GLIS2: variants seen among roughly 807,000 people sequenced by gnomAD.
The protein encoded by GLIS2 is zinc finger protein GLIS2.
Under a neutral mutation model 35.6 loss-of-function variants are expected in GLIS2, and 14 were observed. The ratio of observed to expected loss-of-function variants is 0.39; its 90% confidence interval spans 0.26 to 0.61. The LOEUF (loss-of-function observed/expected upper bound fraction) is 0.61. Ranked by LOEUF, GLIS2 falls within the 20% of genes least tolerant of loss-of-function variation. GLIS2 has a pLI of 0.48. For missense variants in GLIS2, 675 were observed against 713.4 expected, an observed-to-expected ratio of 0.95 and a Z score of 0.61; for synonymous variants, 368 against 325.1, an observed-to-expected ratio of 1.13 and a Z score of -1.42.
At chr16:4,326,973 C>T (rs531014031) in intron 1 of GLIS2, among the ~76,000 whole-genome samples, 1 of 152,172 alleles carries the variant, frequency 6.6e-6, no homozygotes, top group South Asian at 2.1e-4. Context: ...GTTGGCCAGG[C>T]TGGTCTGGAA....
At chr16:4,331,904 G>C (rs1217009551) in intron 1 of GLIS2, 1 of 365,994 alleles carries the variant, frequency 2.7e-6, no homozygotes, top group Non-Finnish European at 5.3e-6. Flanking sequence ...AGCTATGATT[G>C]TGCCACTTGC....
chr16:4,335,187 A>G lies in GLIS2; in HGVS notation c.650A>G (p.Asn217Ser). 2 of 1,613,452 alleles carry G rather than the reference A, an allele frequency of 1.2e-6. No individual in the cohort carries two copies. The highest frequency in any genetic ancestry group is 8.5e-7 in the Non-Finnish European group (1 of 1,180,012). The change falls in exon 5 of 7, where the codon AAC (asparagine) becomes AGC (serine). Residue 217 changes from asparagine (N) to serine (S), a missense_variant. Around this residue, in one of 3 missense-constraint regions of GLIS2, gnomAD observed 133 missense variants for 191.4 expected, o/e 0.69. Transcript: ENST00000433375. The surrounding 1 kb of genome is among the most constrained non-coding windows in gnomAD (Gnocchi z 4.6). Reference sequence around the variant, plus strand: ...TGCGCCCGCCATGGCCGAGGTTTCAACGCCAGGTGAGGTGGGGGAGAGAGG... The same window carrying G: ...TGCGCCCGCCATGGCCGAGGTTTCAGCGCCAGGTGAGGTGGGGGAGAGAGG... ...EGCARHGRGFNARYKMLIHIR... is the reference protein window; with the variant it reads ...EGCARHGRGFSARYKMLIHIR...
chr16:4,327,851 G>A (rs1213326958), intron 1 of GLIS2, among the ~76,000 whole-genome samples: 1 of 152,046 alleles, frequency 6.6e-6, no homozygotes, highest in Admixed American at 6.5e-5. Flanking sequence ...AGCTGGAGGA[G>A]CCGCGCAGCG....
intron 3 of GLIS2, among the ~76,000 whole-genome samples, chr16:4,333,725 C>T (rs1020712279): frequency 2.6e-5 from 4 of 152,214 alleles, no homozygotes; most frequent in Non-Finnish European, 4.4e-5. Context: ...GCCTGGCACT[C>T]TAGCCTGGTA....
intron 2 of GLIS2, 32 bp from the exon 3 acceptor site, chr16:4,333,315 C>T (rs775159442): frequency 1.2e-6 from 2 of 1,611,674 alleles, no homozygotes; most frequent in South Asian, 1.1e-5. Flanking sequence ...ACTCTACACT[C>T]CAGCACACCC....
chr16:4,324,229 C>T (rs879609869), intron 1 of GLIS2, among the ~76,000 whole-genome samples: 3 of 152,126 alleles, frequency 2.0e-5, no homozygotes, highest in East Asian at 1.9e-4. Flanking sequence ...TTCCCAGGGA[C>T]GGTGAATCCC....
Position 4,334,869 on chromosome 16 carries a change from C to T in GLIS2, c.414C>T (p.Ser138=), listed in dbSNP as rs145025457. ...SSFQFFLPLG[S]GGALHLPASS... Reference sequence around the variant, plus strand: ...TCCAGTTCTTCCTGCCCCTCGGCTCCGGGGGGGCCCTGCACCTGCCTGCCT... The same window carrying T: ...TCCAGTTCTTCCTGCCCCTCGGCTCTGGGGGGGCCCTGCACCTGCCTGCCT... Residue 138 remains serine (S), a synonymous_variant, in exon 4 of 7, where the codon TCC becomes TCT. Coordinates refer to ENST00000433375, the MANE Select transcript of GLIS2 (RefSeq NM_032575.3). 4.2e-5 allele frequency: 67 copies of T among 1,613,056 alleles called. No homozygotes were observed. In the Admixed American group the frequency reaches 5.2e-4, roughly 12 times the overall value.
intron 1 of GLIS2, among the ~76,000 whole-genome samples, chr16:4,325,929 TAAAAAAA>T (rs58290393): frequency 5.0e-5 from 2 of 40,120 alleles, no homozygotes; most frequent in South Asian, 9.1e-4. Flanking sequence ...CTCTGTGTCT[TAAAAAAA>T]AAAAAAAAAA....
chr16:4,321,391 A>T (rs2053378158), intron 1 of GLIS2, among the ~76,000 whole-genome samples: 1 of 151,510 alleles, frequency 6.6e-6, no homozygotes, highest in Non-Finnish European at 1.5e-5. Flanking sequence ...CTCCATACCT[A>T]CCCCTCCCCT....
rs1440869260 is a variant in GLIS2, at chr16:4,339,420, G to T, written c.*1896G>T. 1 of 152,932 alleles carries T rather than the reference G, an allele frequency of 6.5e-6. No individual in the cohort carries two copies. Among genetic ancestry groups the T allele is most frequent in the African/African-American group, 2.4e-5 (1 of 41,476 alleles). 9.5% of individuals were successfully genotyped at this position (152,932 alleles called of 1,614,324 possible). On this transcript the variant is annotated 3_prime_UTR_variant, in exon 7 of 7. Transcript: ENST00000433375. Reference sequence around the variant, plus strand: ...GGTGTGTTGTTGCACATTCCAGGACGTCAGTATTTTAACAGGTTCTAAGTG... The same window carrying T: ...GGTGTGTTGTTGCACATTCCAGGACTTCAGTATTTTAACAGGTTCTAAGTG...
Position 4,333,496 on chromosome 16 carries a change from C to A in GLIS2, c.322C>A (p.Leu108Met). 1 of 1,611,766 alleles carries A rather than the reference C, an allele frequency of 6.2e-7. No homozygotes were observed. Among genetic ancestry groups the A allele is most frequent in the Non-Finnish European group, 8.5e-7 (1 of 1,179,384 alleles). ...LSPERQGNGD[L>M]PPVPSASDFQ... ...CCCCGAGCGCCAGGGCAACGGGGAC[C>A]TGCCTCCAGTGCCCAGTGCCTCGGT... The change falls in exon 3 of 7, where the codon CTG becomes ATG. Residue 108 changes from leucine to methionine, a missense_variant. Leu to Met is a conservative substitution (Grantham distance 15, BLOSUM62 2). This residue lies in a region of GLIS2 where 225 missense variants were observed against 238.7 expected (regional missense o/e 0.94). Transcript: ENST00000433375.
chr16:4,322,012 G>A (rs1180432023), intron 1 of GLIS2, among the ~76,000 whole-genome samples: 1 of 152,212 alleles, frequency 6.6e-6, no homozygotes, highest in Non-Finnish European at 1.5e-5. Flanking sequence ...AGAAACCGAG[G>A]CTGGGGAGGG....
intron 1 of GLIS2, among the ~76,000 whole-genome samples, 49 bp downstream of exon 1, chr16:4,316,303 G>C (rs1417391935): frequency 1.4e-5 from 2 of 143,888 alleles, no homozygotes; most frequent in East Asian, 2.1e-4. Flanking sequence ...CCGGGGCGGG[G>C]GGGGGGGGGC....
In GLIS2 at chr16:4,320,860, C is replaced by T. The variant is rs1282257518; in HGVS notation, c.-67+4606C>T. On this transcript the variant is annotated intron_variant, in intron 1 of 6. Coordinates refer to ENST00000433375, the MANE Select transcript of GLIS2 (RefSeq NM_032575.3). The surrounding 1 kb of genome is among the most constrained non-coding windows in gnomAD (Gnocchi z 5.6). Reference sequence around the variant, plus strand: ...GCTGGTGCTCGTCTCCCTGCCAGCCCCGGCCTCCCCCAGCACCCCCCGGAG... The same window carrying T: ...GCTGGTGCTCGTCTCCCTGCCAGCCTCGGCCTCCCCCAGCACCCCCCGGAG... Among the ~76,000 whole-genome samples, 2 of 152,172 alleles carry T rather than the reference C, an allele frequency of 1.3e-5. No individual in the cohort carries two copies. Among genetic ancestry groups the T allele is most frequent in the Non-Finnish European group, 2.9e-5 (2 of 68,028 alleles).
intron 1 of GLIS2, among the ~76,000 whole-genome samples, chr16:4,316,751 G>C (rs972211431): frequency 1.3e-5 from 2 of 152,124 alleles, no homozygotes; most frequent in African/African-American, 4.8e-5. Flanking sequence ...TCGCAAGCCC[G>C]GGTCCTTCCT....
At position 4,337,234 on chromosome 16, in the gene GLIS2, C is replaced by T. The variant is rs1352177916; in HGVS notation, c.1285C>T (p.Pro429Ser). The T allele has an allele frequency of 5.6e-5, 86 of 1,547,660 alleles. No individual in the cohort carries two copies. The highest frequency in any genetic ancestry group is 9.8e-5 in the East Asian group (4 of 40,926). The change falls in exon 7 of 7, where the codon CCT (proline) becomes TCT (serine). Residue 429 changes from proline to serine, a missense_variant. Around this residue, in one of 3 missense-constraint regions of GLIS2, gnomAD observed 317 missense variants for 283.2 expected, o/e 1.12. Transcript: ENST00000433375. ...CTTTGGGGCTGGCGGACTGGGCTTG[C>T]CTGTGGTCTCCCTCCTTGCTGGCGC... ...SPFGAGGLGL[P>S]VVSLLAGAAG...
chr16:4,334,448 G>A (rs2053528419), intron 3 of GLIS2, among the ~76,000 whole-genome samples: 1 of 151,606 alleles, frequency 6.6e-6, no homozygotes. Context: ...ATATTGGCCA[G>A]GCTGATCTTG....
intron 6 of GLIS2, chr16:4,336,306 C>A (rs2053550457): frequency 3.0e-6 from 1 of 334,050 alleles, no homozygotes; most frequent in Non-Finnish European, 5.8e-6. Flanking sequence ...GCCACCACAC[C>A]CAGCTAGTTT....
chr16:4,334,945 C>G lies in GLIS2; in HGVS notation c.490C>G (p.Leu164Val). 1 of 1,613,242 alleles carries G rather than the reference C, an allele frequency of 6.2e-7. No homozygotes were observed. The highest frequency in any genetic ancestry group is 8.5e-7 in the Non-Finnish European group (1 of 1,180,034). ...KDKCLSPDLP[L>V]PKQLVCRWAK... ...CAAGTGCCTCTCGCCAGACCTGCCC[C>G]TGCCCAAGCAGCTGGTGTGTCGCTG... The change falls in exon 4 of 7, where the codon CTG becomes GTG. Residue 164 changes from leucine (L) to valine (V), a missense_variant. Transcript: ENST00000433375.
Sources: gnomAD v4.1 joint callset for allele counts (sites outside exome capture counted in the v4.1 genomes callset) on GRCh38, gnomAD v4.1.1 for gene constraint, gnomAD v4.1.1 regional missense constraint, Gnocchi (gnomAD v3.1) non-coding constraint, MANE v1.5 for transcripts, NCBI Gene and HGNC (gene_info 2026-07-23, HGNC 2026-07-21) for gene names.